NIBAN2: variants seen among roughly 807,000 people sequenced by gnomAD.
NIBAN2 encodes the protein niban apoptosis regulator 2, also known as protein Niban 2.
A neutral mutation model predicts 81.8 loss-of-function variants in NIBAN2; 36 were observed. That is an observed-to-expected ratio of 0.44 (90% CI 0.34 to 0.58). The LOEUF is 0.58. Among genes scored for constraint, NIBAN2 ranks in the 20% least tolerant of loss-of-function variants. NIBAN2 has a pLI of 0.02. For synonymous variants in NIBAN2, 445 were observed against 441.6 expected, an observed-to-expected ratio of 1.01 and a Z score of -0.10; for missense variants, 897 against 1,014.1, an observed-to-expected ratio of 0.88 and a Z score of 1.57.
In NIBAN2 at chr9:127,507,982, C is replaced by T. The variant is rs1836643874; in HGVS notation, c.1543-4G>A. 1 of 1,613,928 alleles carries T rather than the reference C, an allele frequency of 6.2e-7. No homozygotes were observed. The highest frequency in any genetic ancestry group is 1.7e-5 in the Admixed American group (1 of 60,006). On this transcript the variant is annotated splice_region_variant and splice_polypyrimidine_tract_variant and intron_variant, in intron 12 of 13. Coordinates refer to ENST00000373312, the MANE Select transcript of NIBAN2 (RefSeq NM_022833.4). The surrounding 1 kb of genome is among the most constrained non-coding windows in gnomAD (Gnocchi z 6.8). ...GCTCCTGGAACCGGGGCAGCTCCTG[C>T]CCGGGTGGGGCGGCAGAGATGAGAG...
At chr9:127,538,599 C>T (rs1450754674) in intron 1 of NIBAN2, among the ~76,000 whole-genome samples, 1 of 149,010 alleles carries the variant, frequency 6.7e-6, no homozygotes, top group South Asian at 2.1e-4. Flanking sequence ...TGCATTCCAA[C>T]CTGGGAGACA....
At chr9:127,546,351 C>T (rs1018320867) in intron 1 of NIBAN2, among the ~76,000 whole-genome samples, 1 of 152,206 alleles carries the variant, frequency 6.6e-6, no homozygotes, top group Non-Finnish European at 1.5e-5. Flanking sequence ...CTCTCAGTCA[C>T]GTCCAGGGCC....
At chr9:127,528,472 A>C (rs1588164542) in intron 2 of NIBAN2, among the ~76,000 whole-genome samples, 2 of 152,098 alleles carry the variant, frequency 1.3e-5, no homozygotes, top group South Asian at 4.1e-4. Flanking sequence ...TCATGCCTGC[A>C]CCTTCCTGGC....
Position 127,506,949 on chromosome 9 carries a change from TG to T in NIBAN2, c.2136del (p.Lys713SerfsTer40), listed in dbSNP as rs749939311. The T allele has an allele frequency of 1.2e-6, 2 of 1,608,372 alleles. No homozygotes were observed. Among genetic ancestry groups the T allele is most frequent in the Non-Finnish European group, 8.5e-7 (1 of 1,177,634 alleles). ...TCTCCAGTCTCCTGGTCGCTGGGCT[TG>T]GGGGGCCCAAGGTCCACAGCCTTTC... ...LPGKAVDLGP[P>X]KPSDQETGEQ... is the part of the protein sequence containing the mutation. On this transcript the variant is annotated frameshift_variant, in exon 14 of 14. Transcript: ENST00000373312. LOFTEE classifies it high-confidence loss of function.
At chr9:127,541,034 G>T (rs1837369008) in intron 1 of NIBAN2, among the ~76,000 whole-genome samples, 1 of 152,206 alleles carries the variant, frequency 6.6e-6, no homozygotes, top group Non-Finnish European at 1.5e-5. Context: ...GGGAAAGAGG[G>T]GGGTGCCGAC....
In NIBAN2 at chr9:127,506,908, G is replaced by A. The variant is rs1836608285; in HGVS notation, c.2178C>T (p.Pro726=). The change falls in exon 14 of 14, where the codon CCC becomes CCT. Residue 726 remains proline (P), a synonymous_variant. Coordinates refer to ENST00000373312, the MANE Select transcript of NIBAN2 (RefSeq NM_022833.4). ...TGGTGTGGAGGGCGGGGTGGCTGCT[G>A]GGGCTGGACACCTGCTCTCCAGTCT... ...DQETGEQVSS[P]SSHPALHTTT... 6 of 1,612,562 alleles carry A rather than the reference G, an allele frequency of 3.7e-6. No homozygotes were observed. The highest frequency in any genetic ancestry group is 5.1e-6 in the Non-Finnish European group (6 of 1,179,550).
intron 1 of NIBAN2, among the ~76,000 whole-genome samples, chr9:127,553,317 T>A (rs1412390968): frequency 6.6e-6 from 1 of 152,224 alleles, no homozygotes; most frequent in Non-Finnish European, 1.5e-5. Flanking sequence ...ACAGTGGGTC[T>A]GAGGGGGAGG....
At chr9:127,511,290 C>T (rs916204457) in intron 8 of NIBAN2, among the ~76,000 whole-genome samples, 4 of 152,116 alleles carry the variant, frequency 2.6e-5, no homozygotes, top group Non-Finnish European at 4.4e-5. Context: ...TCAGGTGACC[C>T]GCCCACCTCG....
At chr9:127,531,470 C>T (rs144942112) in intron 2 of NIBAN2, among the ~76,000 whole-genome samples, 178 bp downstream of exon 2, 2,049 of 149,846 alleles carry the variant, frequency 0.014, 24 homozygotes, top group Non-Finnish European at 0.023. Flanking sequence ...AGTGACAGAG[C>T]GAGACTCTGT....
chr9:127,569,225 AC>A (rs1202292589), upstream of NIBAN2: 4 of 363,090 alleles, frequency 1.1e-5, no homozygotes, highest in Non-Finnish European at 1.4e-5. Context: ...TCGGTCCTGC[AC>A]CCCCCTGCGC....
Position 127,554,687 on chromosome 9 carries a change from A to G in NIBAN2, c.55+14133T>C, listed in dbSNP as rs569933996. Reference sequence around the variant, plus strand: ...GCAATCCTCCTGCCTCAGCCTCTCGAGTAGCTGGGACCACAGGTGTGCAAC... The same window carrying G: ...GCAATCCTCCTGCCTCAGCCTCTCGGGTAGCTGGGACCACAGGTGTGCAAC... On this transcript the variant is annotated intron_variant, in intron 1 of 13. Transcript: ENST00000373312. Among the ~76,000 whole-genome samples, 3 of 150,776 alleles carry G rather than the reference A, an allele frequency of 2.0e-5. No homozygotes were observed. The East Asian group carries it at 5.9e-4, about 30-fold the overall frequency.
chr9:127,578,806 A>C, intron 1 of NIBAN2: 4 of 962,348 alleles, frequency 4.2e-6, no homozygotes, highest in Non-Finnish European at 4.8e-6. Flanking sequence ...GCATTGAGCT[A>C]TGATCATTCC....
intron 2 of NIBAN2, among the ~76,000 whole-genome samples, chr9:127,529,013 G>A (rs1233609443): frequency 6.6e-6 from 1 of 152,244 alleles, no homozygotes; most frequent in African/African-American, 2.4e-5. Context: ...AGCTCGAATG[G>A]GTGGCTGGCT....
chr9:127,554,067 A>T (rs1450427721), intron 1 of NIBAN2, among the ~76,000 whole-genome samples: 1 of 152,076 alleles, frequency 6.6e-6, no homozygotes, highest in Non-Finnish European at 1.5e-5. Flanking sequence ...GGGCTAAACT[A>T]CCACAGTCCT....
chr9:127,569,063 C>T lies in NIBAN2; in HGVS notation c.-189G>A. 1 of 1,078,762 alleles carries T rather than the reference C, an allele frequency of 9.3e-7. No homozygotes were observed. The highest frequency in any genetic ancestry group is 6.3e-5 in the East Asian group (1 of 15,870). 66.8% of individuals were successfully genotyped at this position (1,078,762 alleles called of 1,614,324 possible). ...TCCCGGTCGGGCCCCGTCCCTCCAG[C>T]CGGCCGCCTTGGCCCCCTCCCTGCC... is the stretch of plus-strand genomic sequence containing the variant. On this transcript the variant is annotated 5_prime_UTR_variant, in exon 1 of 14. Coordinates refer to ENST00000373312, the MANE Select transcript of NIBAN2 (RefSeq NM_022833.4).
chr9:127,518,854 C>T (rs1836881763), intron 5 of NIBAN2, among the ~76,000 whole-genome samples: 1 of 152,162 alleles, frequency 6.6e-6, no homozygotes, highest in South Asian at 2.1e-4. Context: ...CAGGTCAGTA[C>T]CTGGCACAGA....
chr9:127,508,126 G>T lies in NIBAN2; in HGVS notation c.1509C>A (p.Phe503Leu). 1 of 1,613,644 alleles carries T rather than the reference G, an allele frequency of 6.2e-7. No homozygotes were observed. The change falls in exon 12 of 14, where the codon TTC (phenylalanine) becomes TTA (leucine). Residue 503 changes from phenylalanine (F) to leucine (L), a missense_variant. Coordinates refer to ENST00000373312, the MANE Select transcript of NIBAN2 (RefSeq NM_022833.4). This position sits in a 1 kb window ranked among gnomAD's most constrained non-coding sequence, Gnocchi z 6.4. ...AGGTAGGGGCCAGCTTCTTGAGCAG[G>T]AACGGGATGCTGATCTGCAGCAGCG... ...REALLQISIPFLLKKLAPTCK... is the reference protein window; with the variant it reads ...REALLQISIPLLLKKLAPTCK...
intron 1 of NIBAN2, among the ~76,000 whole-genome samples, chr9:127,549,619 CT>C (rs1388268242): frequency 6.6e-6 from 1 of 152,142 alleles, no homozygotes; most frequent in Non-Finnish European, 1.5e-5. Flanking sequence ...ATTCTGCCTT[CT>C]CAAAGCCAGG....
At chr9:127,569,106 G>C, upstream of NIBAN2, 1 of 1,003,702 alleles carries the variant, frequency 1.0e-6, no homozygotes, top group Non-Finnish European at 1.2e-6. Context: ...CTGCACCCCG[G>C]CGCCCCGCTC....
Sources: allele counts gnomAD v4.1 joint callset (sites outside exome capture counted in the v4.1 genomes callset), GRCh38; gene constraint gnomAD v4.1.1; non-coding constraint Gnocchi (gnomAD v3.1); transcripts MANE v1.5; gene names NCBI Gene and HGNC (gene_info 2026-07-23, HGNC 2026-07-21).